UBE3C: variants seen among roughly 807,000 people sequenced by gnomAD.
The protein encoded by UBE3C is ubiquitin-protein ligase E3C.
Under a neutral mutation model 129.4 loss-of-function variants are expected in UBE3C, and 42 were observed. The ratio of observed to expected loss-of-function variants is 0.32; its 90% CI spans 0.25 to 0.42. UBE3C has a LOEUF of 0.42. UBE3C is among the 10% of genes least tolerant of loss of function. The pLI is 1.00. For synonymous variants in UBE3C, 510 were observed against 492.4 expected (o/e 1.04, Z -0.47); for missense variants, 1,049 against 1,319.1 (o/e 0.80, Z 3.17).
chr7:157,192,530 A>G (rs1309661485), intron 10 of UBE3C: 1 of 763,340 alleles, frequency 1.3e-6, no homozygotes, highest in Non-Finnish European at 2.4e-6. Flanking sequence ...AGATGGATGT[A>G]CTGTCTGACT....
chr7:157,223,039 A>G lies in UBE3C; in HGVS notation c.2003-215A>G, dbSNP rs564446507. Reference sequence around the variant, plus strand: ...GTAGTCCTTGATTAGGACATCTTTAATATTCGATCAAGTTATGTGTTCGGG... The same window carrying G: ...GTAGTCCTTGATTAGGACATCTTTAGTATTCGATCAAGTTATGTGTTCGGG... On this transcript the variant is annotated intron_variant, in intron 15 of 22. Coordinates refer to ENST00000348165, the MANE Select transcript of UBE3C (RefSeq NM_014671.3). The G allele has an allele frequency of 2.2e-4, 106 of 490,080 alleles. 3 individuals are homozygous for G. In the South Asian group the frequency reaches 2.2e-3, roughly 10 times the overall value. 30.4% of individuals were successfully genotyped at this position (490,080 alleles called of 1,614,324 possible).
At chr7:157,145,620 T>C (rs1199004230) in intron 1 of UBE3C, among the ~76,000 whole-genome samples, 1 of 152,238 alleles carries the variant, frequency 6.6e-6, no homozygotes, top group East Asian at 1.9e-4. Context: ...ACTCTAGCCT[T>C]TTCCAGAATG....
intron 2 of UBE3C, among the ~76,000 whole-genome samples, chr7:157,167,886 G>T (rs1008617226): frequency 6.6e-6 from 1 of 152,180 alleles, no homozygotes; most frequent in Non-Finnish European, 1.5e-5. Context: ...TCCAACAGCA[G>T]TAGCACTGGT....
chr7:157,168,635 C>T (rs1411642458), intron 2 of UBE3C, among the ~76,000 whole-genome samples: 1 of 152,188 alleles, frequency 6.6e-6, no homozygotes, highest in Non-Finnish European at 1.5e-5. Context: ...ATGAAGTTCT[C>T]ACATATGCTG....
At chr7:157,203,925 A>G (rs1390726114) in intron 11 of UBE3C, among the ~76,000 whole-genome samples, 1 of 152,236 alleles carries the variant, frequency 6.6e-6, no homozygotes, top group Non-Finnish European at 1.5e-5. Context: ...AGCCTAGCCT[A>G]CCTAAAACGT....
chr7:157,248,902 C>T (rs1015703226), intron 19 of UBE3C, among the ~76,000 whole-genome samples: 5 of 152,266 alleles, frequency 3.3e-5, no homozygotes, highest in Non-Finnish European at 5.9e-5. Context: ...AGCAGCTTCC[C>T]GGCAGGACCC....
chr7:157,254,436 C>T (rs751552268), intron 21 of UBE3C, 126 bp downstream of exon 21: 12 of 480,592 alleles, frequency 2.5e-5, no homozygotes, highest in African/African-American at 4.2e-5. Context: ...TCACTCTTGT[C>T]GCCCAGGCTG....
chr7:157,196,547 G>T (rs1809125960), intron 10 of UBE3C, among the ~76,000 whole-genome samples: 1 of 152,228 alleles, frequency 6.6e-6, no homozygotes, highest in African/African-American at 2.4e-5. Flanking sequence ...AGTGTTTAGT[G>T]TATATAGTGA....
intron 13 of UBE3C, among the ~76,000 whole-genome samples, chr7:157,214,376 A>G (rs1240265993): frequency 1.3e-5 from 2 of 152,208 alleles, no homozygotes; most frequent in Non-Finnish European, 2.9e-5. Context: ...ATAGATATCT[A>G]GGAGTTAGGC....
At chr7:157,158,756 A>G (rs1170059086) in intron 1 of UBE3C, among the ~76,000 whole-genome samples, 5 of 152,192 alleles carry the variant, frequency 3.3e-5, no homozygotes, top group Non-Finnish European at 5.9e-5. Context: ...AGACAAGCCC[A>G]TGGGGACGTT....
intron 2 of UBE3C, chr7:157,164,368 G>A (rs542506284): frequency 4.4e-6 from 2 of 456,500 alleles, no homozygotes; most frequent in African/African-American, 4.0e-5. Context: ...TGCTGCCGAG[G>A]CTGATTTCAA....
chr7:157,160,842 G>A (rs528621323), intron 1 of UBE3C, among the ~76,000 whole-genome samples: 12 of 152,230 alleles, frequency 7.9e-5, no homozygotes, highest in African/African-American at 2.9e-4. Flanking sequence ...GAGGAAAAGA[G>A]TTTTCTTTTC....
intron 8 of UBE3C, among the ~76,000 whole-genome samples, 178 bp downstream of exon 8, chr7:157,182,506 G>C (rs1195602627): frequency 6.6e-6 from 1 of 152,120 alleles, no homozygotes; most frequent in East Asian, 1.9e-4. Flanking sequence ...TCCAGATACA[G>C]TGGAAAAGAC....
At chr7:157,155,470 C>T (rs914363543) in intron 1 of UBE3C, among the ~76,000 whole-genome samples, 7 of 151,966 alleles carry the variant, frequency 4.6e-5, no homozygotes, top group Admixed American at 4.6e-4. Context: ...TGCTAACAAT[C>T]GTTCTGTAAA....
chr7:157,194,723 A>G (rs1348148002), intron 10 of UBE3C, among the ~76,000 whole-genome samples: 1 of 152,218 alleles, frequency 6.6e-6, no homozygotes, highest in Non-Finnish European at 1.5e-5. Context: ...AAAATGAGGA[A>G]TATGTTATTG....
chr7:157,140,270 A>G (rs1003216442), intron 1 of UBE3C, among the ~76,000 whole-genome samples: 4 of 152,020 alleles, frequency 2.6e-5, no homozygotes, highest in Non-Finnish European at 5.9e-5. Flanking sequence ...AGGTAGGCAC[A>G]TAACGCAGAG....
chr7:157,265,236 C>T (rs1278025745), intron 22 of UBE3C, among the ~76,000 whole-genome samples: 1 of 152,226 alleles, frequency 6.6e-6, no homozygotes, highest in Non-Finnish European at 1.5e-5. Context: ...CTAGCTAGGT[C>T]TCTGAAACCC....
At chr7:157,142,824 G>A (rs1348770527) in intron 1 of UBE3C, among the ~76,000 whole-genome samples, 6 of 151,804 alleles carry the variant, frequency 4.0e-5, no homozygotes, top group Admixed American at 3.3e-4. Flanking sequence ...AACGTGCATA[G>A]GTACCCCCTA....
intron 13 of UBE3C, among the ~76,000 whole-genome samples, chr7:157,214,700 C>T (rs1410415900): frequency 6.6e-6 from 1 of 152,174 alleles, no homozygotes; most frequent in South Asian, 2.1e-4. Context: ...GGTGTGTGCT[C>T]TGTGTGGACT....
Sources: gnomAD v4.1 joint callset for allele counts (sites outside exome capture counted in the v4.1 genomes callset) on GRCh38, gnomAD v4.1.1 for gene constraint, MANE v1.5 for transcripts, NCBI Gene and HGNC (gene_info 2026-07-23, HGNC 2026-07-21) for gene names.